The following NGFR variants were observed in gnomAD, a reference collection of about 807,000 sequenced individuals.
NGFR encodes the protein nerve growth factor receptor.
In NGFR, 30 loss-of-function variants were observed where a neutral mutation model predicts 43.2. That is an observed-to-expected ratio of 0.69 (90% confidence interval 0.52 to 0.94). The LOEUF is 0.94. Ranked by LOEUF, NGFR falls within the 40% of genes least tolerant of loss-of-function variation. The pLI is 0.00. For synonymous variants in NGFR, 246 were observed against 259.6 expected (o/e 0.95, Z 0.50); for missense variants, 529 against 602.5 (o/e 0.88, Z 1.28).
rs768645864 is a variant in NGFR at position 49,512,937 on chromosome 17, C to A, written c.1212C>A (p.Ala404=). The A allele has an allele frequency of 2.0e-5, 32 of 1,611,174 alleles. No homozygotes were observed. The highest frequency in any genetic ancestry group is 2.5e-5 in the Non-Finnish European group (30 of 1,179,070). Residue 404 remains alanine, a synonymous_variant, in exon 6 of 6, where the codon GCC becomes GCA. Coordinates refer to ENST00000172229, the MANE Select transcript of NGFR (RefSeq NM_002507.4). This position sits in a 1 kb window ranked among gnomAD's most constrained non-coding sequence, Gnocchi z 5.2. ...CCACACTGGACGCCCTCCTGGCCGC[C>A]CTGCGCCGCATCCAGCGAGCCGACC... The part of the protein sequence containing the change: ...DSATLDALLA[A]LRRIQRADLV...
intron 3 of NGFR, among the ~76,000 whole-genome samples, chr17:49,509,438 G>C (rs2071218509): frequency 6.6e-6 from 1 of 152,196 alleles, no homozygotes; most frequent in African/African-American, 2.4e-5. Flanking sequence ...AGGCCGTCCA[G>C]AGCCCACAAC....
At chr17:49,502,692 A>G (rs1320715411) in intron 2 of NGFR, among the ~76,000 whole-genome samples, 3 of 151,910 alleles carry the variant, frequency 2.0e-5, no homozygotes, top group Non-Finnish European at 4.4e-5. Flanking sequence ...TCCAGCTTTG[A>G]CCAGGAAGCA....
intron 1 of NGFR, among the ~76,000 whole-genome samples, chr17:49,501,026 G>A (rs1341167673): frequency 6.6e-6 from 1 of 152,188 alleles, no homozygotes; most frequent in African/African-American, 2.4e-5. Context: ...AGGGCTGCAT[G>A]GTCTGGAGCT....
intron 1 of NGFR, chr17:49,496,042 T>TG (rs945868418): frequency 8.2e-5 from 6 of 73,332 alleles, no homozygotes; most frequent in Non-Finnish European, 1.1e-4. Context: ...GGCCAGACAA[T>TG]GGGGGGGAGG....
chr17:49,508,986 C>G (rs554744168), intron 3 of NGFR, among the ~76,000 whole-genome samples: 39 of 152,336 alleles, frequency 2.6e-4, no homozygotes, highest in African/African-American at 8.7e-4. Context: ...CCCCAGCTTG[C>G]CCAGTCCCCT....
intron 2 of NGFR, among the ~76,000 whole-genome samples, chr17:49,505,106 G>A (rs906427189): frequency 6.6e-6 from 1 of 151,910 alleles, no homozygotes; most frequent in African/African-American, 2.4e-5. Context: ...ACTTCTCTCT[G>A]GCTTTTCCTT....
chr17:49,510,304 G>C, intron 3 of NGFR, 108 bp from the exon 4 acceptor site: 1 of 1,503,114 alleles, frequency 6.7e-7, no homozygotes, highest in South Asian at 1.3e-5. Flanking sequence ...CTGGGCACAA[G>C]AGCACCTGGA....
At chr17:49,501,999 A>AGGGGGGCCCCC in intron 1 of NGFR, 64 bp from the exon 2 acceptor site, 2 of 330,980 alleles carry the variant, frequency 6.0e-6, no homozygotes, top group Non-Finnish European at 5.9e-6. Context: ...TCCCCGGAAG[A>AGGGGGGCCCCC]ACCCCCCCCA....
intron 1 of NGFR, among the ~76,000 whole-genome samples, chr17:49,498,307 G>A (rs1241808766): frequency 1.3e-5 from 2 of 152,166 alleles, no homozygotes; most frequent in Non-Finnish European, 2.9e-5. Flanking sequence ...TCCACACGCA[G>A]AGGCCCTGCC....
intron 3 of NGFR, among the ~76,000 whole-genome samples, chr17:49,507,465 T>C (rs2071206909): frequency 6.6e-6 from 1 of 152,166 alleles, no homozygotes. Flanking sequence ...CTCGTGGCTG[T>C]CAGCTCCAGG....
In NGFR at chr17:49,510,679, G is replaced by C. The variant is rs11466156; in HGVS notation, c.821+15G>C. ...GCCTTCAAGAGGTAAGAGAGGGCAC[G>C]GTGGCGACAGAGAGGGGAGATGTTT... On this transcript the variant is annotated intron_variant, in intron 4 of 5. Transcript: ENST00000172229. 1.2e-6 allele frequency: 2 copies of C among 1,607,950 alleles called. No individual in the cohort carries two copies. The highest frequency in any genetic ancestry group is 1.1e-5 in the South Asian group (1 of 91,010).
intron 3 of NGFR, among the ~76,000 whole-genome samples, chr17:49,508,506 TTC>T (rs926963749): frequency 3.1e-4 from 47 of 152,278 alleles, no homozygotes; most frequent in African/African-American, 1.1e-3. Context: ...TGGAATTTGA[TTC>T]TTGGTTTTGT....
intron 3 of NGFR, among the ~76,000 whole-genome samples, chr17:49,509,364 C>G (rs1443158387): frequency 2.6e-5 from 4 of 152,188 alleles, no homozygotes; most frequent in Non-Finnish European, 5.9e-5. Context: ...GCTTTCCCTC[C>G]CTGCCCCAGG....
intron 1 of NGFR, among the ~76,000 whole-genome samples, chr17:49,500,252 A>G (rs2584685): frequency 0.28 from 41,900 of 152,036 alleles, 6,025 homozygotes; most frequent in East Asian, 0.41. Flanking sequence ...AGCAAAAATG[A>G]TGAGGGCAGC....
rs771618069 is a variant in NGFR at position 49,511,881 on chromosome 17, T to G, written c.822-11T>G. On this transcript the variant is annotated splice_polypyrimidine_tract_variant and intron_variant, in intron 4 of 5. Coordinates refer to ENST00000172229, the MANE Select transcript of NGFR (RefSeq NM_002507.4). Reference sequence around the variant, plus strand: ...TCGCCCCCTGAAACCTGGCCTGTCCTCTGGCTCCAGGTGGAACAGCTGCAA... The same window carrying G: ...TCGCCCCCTGAAACCTGGCCTGTCCGCTGGCTCCAGGTGGAACAGCTGCAA... 2.8e-5 allele frequency: 44 copies of G among 1,596,074 alleles called. 1 individual carries two copies. In the South Asian group the frequency reaches 4.6e-4, roughly 17 times the overall value.
Position 49,506,573 on chromosome 17 carries a change from G to A in NGFR, c.483G>A (p.Val161=). Residue 161 remains valine (V), a synonymous_variant, in exon 3 of 6, where the codon GTG becomes GTA. Transcript: ENST00000172229. ...CGTATTCCGACGAGGCCAACCACGT[G>A]GACCCGTGCCTGCCCTGCACCGTGT... is the stretch of plus-strand genomic sequence containing the variant. ...DGTYSDEANH[V]DPCLPCTVCE... 6.2e-7 allele frequency: 1 copy of A among 1,611,102 alleles called. No homozygotes were observed. The highest frequency in any genetic ancestry group is 8.5e-7 in the Non-Finnish European group (1 of 1,179,468).
intron 1 of NGFR, among the ~76,000 whole-genome samples, chr17:49,501,067 A>G (rs2071164449): frequency 6.6e-6 from 1 of 152,208 alleles, no homozygotes; most frequent in Non-Finnish European, 1.5e-5. Flanking sequence ...TTTATTAGAC[A>G]TTAAGTTTTT....
At chr17:49,510,327 A>T (rs2071222996) in intron 3 of NGFR, 85 bp from the exon 4 acceptor site, 39 of 1,561,024 alleles carry the variant, frequency 2.5e-5, no homozygotes, top group Non-Finnish European at 3.3e-5. Context: ...CAGGGCGGGG[A>T]CACAGGAAGA....
At chr17:49,501,999 A>AGCCCCCCCCCCCCCC in intron 1 of NGFR, 64 bp from the exon 2 acceptor site, 4 of 330,984 alleles carry the variant, frequency 1.2e-5, no homozygotes, top group East Asian at 6.4e-5. Context: ...TCCCCGGAAG[A>AGCCCCCCCCCCCCCC]ACCCCCCCCA....
Sources: allele counts gnomAD v4.1 joint callset (sites outside exome capture counted in the v4.1 genomes callset), GRCh38; gene constraint gnomAD v4.1.1; non-coding constraint Gnocchi (gnomAD v3.1); transcripts MANE v1.5; gene names NCBI Gene and HGNC (gene_info 2026-07-23, HGNC 2026-07-21).